Variants in AGMO observed in about 807,000 individuals in gnomAD.
AGMO encodes alkylglycerol monooxygenase, also known as glyceryl-ether monooxygenase.
In AGMO, 75 loss-of-function variants were observed where a neutral mutation model predicts 60.2. That is an observed-to-expected ratio of 1.25 (90% confidence interval 1.03 to 1.51). AGMO has a LOEUF of 1.51. Among genes scored for constraint, AGMO ranks in the 40% most tolerant of loss-of-function variants. The probability of loss-of-function intolerance (pLI) is 0.00; values close to 1 mark genes in which losing one functional copy is unlikely to be tolerated. For synonymous variants in AGMO, 261 were observed against 177.1 expected, an observed-to-expected ratio of 1.47 and a Z score of -3.76; for missense variants, 763 against 525.5, an observed-to-expected ratio of 1.45 and a Z score of -4.42.
intron 5 of AGMO, among the ~76,000 whole-genome samples, chr7:15,406,228 T>TACACACACACACACACACACACACAC (rs61400312): frequency 7.3e-6 from 1 of 136,448 alleles, no homozygotes; most frequent in African/African-American, 2.9e-5. Context: ...TTGTTTGGAA[T>TACACACACACACACACACACACACAC]ACACACACAC....
intron 3 of AGMO, among the ~76,000 whole-genome samples, chr7:15,469,148 A>G (rs921833332): frequency 6.6e-6 from 1 of 152,112 alleles, no homozygotes; most frequent in Non-Finnish European, 1.5e-5. Flanking sequence ...ACAATTTAAA[A>G]TTATAGCAAT....
the AGMO span, among the ~76,000 whole-genome samples, chr7:15,139,984 A>G: frequency 6.6e-6 from 1 of 151,092 alleles, no homozygotes; most frequent in Admixed American, 6.6e-5. Flanking sequence ...GAATACAAGT[A>G]GGGATTCAGG....
chr7:15,366,496 T>C (rs1487173160), intron 10 of AGMO, among the ~76,000 whole-genome samples: 3 of 151,970 alleles, frequency 2.0e-5, no homozygotes, highest in Admixed American at 1.3e-4. Flanking sequence ...GTTTTGACTT[T>C]TATAATTTTT....
chr7:15,282,066 A>T (rs930606537), intron 12 of AGMO, among the ~76,000 whole-genome samples: 2 of 152,166 alleles, frequency 1.3e-5, no homozygotes, highest in African/African-American at 4.8e-5. Context: ...AAGAAATTTT[A>T]AAAAACAATA....
chr7:15,385,604 C>T (rs2128483110), intron 9 of AGMO, 42 bp from the exon 10 acceptor site: 1 of 1,120,978 alleles, frequency 8.9e-7, no homozygotes, highest in Non-Finnish European at 1.3e-6. Context: ...GCTCCAGACT[C>T]ATTTTTCTTA....
intron 12 of AGMO, among the ~76,000 whole-genome samples, chr7:15,221,173 CT>C (rs1475399090): frequency 1.3e-5 from 2 of 152,110 alleles, no homozygotes; most frequent in Non-Finnish European, 2.9e-5. Flanking sequence ...CATTTGGCCC[CT>C]TTTACCTTCT....
At chr7:15,146,405 A>G in the AGMO span, among the ~76,000 whole-genome samples, 1 of 152,202 alleles carries the variant, frequency 6.6e-6, no homozygotes, top group African/African-American at 2.4e-5. Flanking sequence ...TGATAGAATT[A>G]TTAGGGTTGC....
At chr7:15,394,744 T>TTAC (rs1241625614) in intron 5 of AGMO, among the ~76,000 whole-genome samples, 8 of 152,310 alleles carry the variant, frequency 5.3e-5, no homozygotes, top group African/African-American at 1.9e-4. Context: ...CAGCAACGAC[T>TTAC]TACTATTGCA....
downstream of AGMO, among the ~76,000 whole-genome samples, chr7:15,199,503 T>C (rs1358823120): frequency 1.3e-5 from 2 of 152,186 alleles, no homozygotes; most frequent in Non-Finnish European, 2.9e-5. Flanking sequence ...TGGGGAATCA[T>C]TAAGCTCTTC....
At chr7:15,452,562 T>C (rs893280868) in intron 3 of AGMO, among the ~76,000 whole-genome samples, 2 of 152,154 alleles carry the variant, frequency 1.3e-5, no homozygotes, top group African/African-American at 4.8e-5. Context: ...AAGATGGCTA[T>C]AATAAAAAAG....
chr7:15,268,487 T>A (rs116112025), intron 12 of AGMO, among the ~76,000 whole-genome samples: 5 of 152,000 alleles, frequency 3.3e-5, no homozygotes, highest in African/African-American at 1.2e-4. Context: ...ATGCATTCCA[T>A]ATGGTCATGC....
Position 15,324,621 on chromosome 7 carries a change from T to C in AGMO, c.1263+40893A>G, listed in dbSNP as rs1249156423. On this transcript the variant is annotated intron_variant, in intron 12 of 12. Coordinates refer to ENST00000342526, the MANE Select transcript of AGMO (RefSeq NM_001004320.2). ...TCTAATGTAGTGGCCCCCAACCTTT[T>C]TGACACCAGGAACATGTTTCATGGA... Among the ~76,000 whole-genome samples the C allele has an allele frequency of 2.0e-5, 3 of 152,098 alleles. No homozygotes were observed. The East Asian group carries it at 5.8e-4, about 29-fold the overall frequency.
intron 12 of AGMO, among the ~76,000 whole-genome samples, chr7:15,321,795 T>C (rs1781115987): frequency 6.6e-6 from 1 of 152,086 alleles, no homozygotes; most frequent in African/African-American, 2.4e-5. Flanking sequence ...TTAAAAAATA[T>C]GGCTAGATTG....
chr7:15,459,056 C>T (rs1782068269), intron 3 of AGMO, among the ~76,000 whole-genome samples: 1 of 152,132 alleles, frequency 6.6e-6, no homozygotes, highest in Admixed American at 6.6e-5. Flanking sequence ...ATCTGCAATA[C>T]TGCCCACATA....
intron 12 of AGMO, among the ~76,000 whole-genome samples, chr7:15,362,860 T>A (rs1451635808): frequency 1.3e-5 from 2 of 152,232 alleles, no homozygotes. Flanking sequence ...GCCACAAGGC[T>A]TGAGGTAGAT....
chr7:15,348,184 G>A (rs1173144596), intron 12 of AGMO, among the ~76,000 whole-genome samples: 2 of 151,954 alleles, frequency 1.3e-5, no homozygotes, highest in South Asian at 2.1e-4. Flanking sequence ...ACAGTCTCAT[G>A]TTCTCCCAAA....
intron 2 of AGMO, among the ~76,000 whole-genome samples, chr7:15,547,975 A>C (rs565584008): frequency 3.9e-4 from 57 of 147,034 alleles, no homozygotes; most frequent in Non-Finnish European, 7.5e-4. Flanking sequence ...ATCTGAGAAC[A>C]GGCAGACTGC....
At chr7:15,322,976 TA>T (rs1367870340) in intron 12 of AGMO, among the ~76,000 whole-genome samples, 5 of 52,750 alleles carry the variant, frequency 9.5e-5, no homozygotes, top group African/African-American at 5.6e-4. Flanking sequence ...TGTATATATA[TA>T]TGTATTTATT....
At position 15,243,101 on chromosome 7, in the gene AGMO, C is replaced by G. The variant is rs1583321208; in HGVS notation, c.1264-41742G>C. ...GTGTTAAAATACAAGAATTTAGATA[C>G]TGAAAATATCTTTAATATTAATATA... On this transcript the variant is annotated intron_variant, in intron 12 of 12. Coordinates refer to ENST00000342526, the MANE Select transcript of AGMO (RefSeq NM_001004320.2). Among the ~76,000 whole-genome samples the G allele has an allele frequency of 2.6e-5, 4 of 151,812 alleles. No individual in the cohort carries two copies. The East Asian group carries it at 7.7e-4, about 29-fold the overall frequency.
Sources: gnomAD v4.1 joint callset for allele counts (sites outside exome capture counted in the v4.1 genomes callset) on GRCh38, gnomAD v4.1.1 for gene constraint, MANE v1.5 for transcripts, NCBI Gene and HGNC (gene_info 2026-07-23, HGNC 2026-07-21) for gene names.